The following LLGL2 variants were observed in gnomAD, a reference collection of about 807,000 sequenced individuals.
The protein encoded by LLGL2 is LLGL2, scribble cell polarity complex component.
LLGL2 carries 81 observed loss-of-function variants against 123.2 expected under a neutral mutation model. The observed-to-expected ratio is 0.66, with a 90% CI of 0.55 to 0.79. The LOEUF (loss-of-function observed/expected upper bound fraction) is 0.79, where lower values mean the gene tolerates loss of function less well. Ranked by LOEUF, LLGL2 falls within the 30% of genes least tolerant of loss-of-function variation. The probability of loss-of-function intolerance (pLI) is 0.00; values close to 1 mark genes in which losing one functional copy is unlikely to be tolerated. For synonymous variants in LLGL2, 577 were observed against 594.1 expected (o/e 0.97, Z 0.42); for missense variants, 1,273 against 1,414.6 (o/e 0.90, Z 1.61).
chr17:75,546,022 A>T (rs2054407407), intron 2 of LLGL2: 1 of 152,174 alleles, frequency 6.6e-6, no homozygotes, highest in African/African-American at 2.4e-5. Flanking sequence ...GACAACCAAG[A>T]ATGTTTCCTG....
At position 75,558,065 on chromosome 17, in the gene LLGL2, A is replaced by G; in HGVS notation, c.174-90A>G. ...GAGGGCAGCCCCTCTCTGTGTTTGCATCATTGCACATGGGCCCCGAGGGCC... is the reference window on the plus strand; with the variant it reads ...GAGGGCAGCCCCTCTCTGTGTTTGCGTCATTGCACATGGGCCCCGAGGGCC... On this transcript the variant is annotated intron_variant, in intron 3 of 25. Transcript: ENST00000392550. The surrounding 1 kb of genome is among the most constrained non-coding windows in gnomAD (Gnocchi z 4.0). 8.1e-7 allele frequency: 1 copy of G among 1,230,824 alleles called. No homozygotes were observed. Among genetic ancestry groups the G allele is most frequent in the South Asian group, 1.2e-5 (1 of 83,214 alleles). 76.2% of individuals were successfully genotyped at this position (1,230,824 alleles called of 1,614,324 possible). A position where few individuals can be genotyped will look rare whatever the true frequency, so the allele number is the denominator to read the frequency against.
At chr17:75,573,890 G>C (rs1598644921) in intron 21 of LLGL2, 62 bp from the exon 22 acceptor site, 1 of 1,529,656 alleles carries the variant, frequency 6.5e-7, no homozygotes. Context: ...CATGGGACCA[G>C]GGCTCTCAGA....
At chr17:75,574,755 C>A (rs1461827775) in intron 25 of LLGL2, 87 bp downstream of exon 25, 2 of 1,592,434 alleles carry the variant, frequency 1.3e-6, no homozygotes, top group African/African-American at 2.7e-5. Context: ...CTGGGTCCCA[C>A]GGGGCTGACA....
At chr17:75,548,079 C>T (rs4789208) in intron 2 of LLGL2, among the ~76,000 whole-genome samples, 47,932 of 151,994 alleles carry the variant, frequency 0.32, 8,636 homozygotes, top group South Asian at 0.57. Flanking sequence ...CTCACTGGAG[C>T]GTTTCAGATT....
In LLGL2 at chr17:75,558,406, GGA is replaced by G; in HGVS notation, c.256-104_256-103del. On this transcript the variant is annotated intron_variant, in intron 4 of 25. Coordinates refer to ENST00000392550, the MANE Select transcript of LLGL2 (RefSeq NM_001031803.2). This position sits in a 1 kb window ranked among gnomAD's most constrained non-coding sequence, Gnocchi z 4.0. ...CAGCTGGGGCTCATGGGCCACCCTG[GGA>G]GTGGCCAGGGGGTCTTTTAAACAAC... The G allele has an allele frequency of 1.7e-6, 2 of 1,158,828 alleles. No individual in the cohort carries two copies. The highest frequency in any genetic ancestry group is 2.4e-6 in the Non-Finnish European group (2 of 819,530). 71.8% of individuals were successfully genotyped at this position (1,158,828 alleles called of 1,614,324 possible).
At chr17:75,550,780 CAAAAAAAAA>C (rs57482643) in intron 2 of LLGL2, among the ~76,000 whole-genome samples, 5 of 94,676 alleles carry the variant, frequency 5.3e-5, no homozygotes, top group Admixed American at 1.2e-4. Flanking sequence ...GACCCTGTCT[CAAAAAAAAA>C]AAAAAAAAAA....
intron 10 of LLGL2, chr17:75,568,150 C>T (rs2055527145): frequency 1.6e-6 from 2 of 1,249,036 alleles, no homozygotes; most frequent in Non-Finnish European, 2.0e-6. Flanking sequence ...GAGAGCAGGC[C>T]CCATGGAGGA....
chr17:75,526,859 G>A (rs7223552), intron 1 of LLGL2, among the ~76,000 whole-genome samples: 19 of 152,230 alleles, frequency 1.2e-4, no homozygotes, highest in African/African-American at 4.6e-4. Context: ...CAGCCCGGGG[G>A]AAGCCAAGGT....
At chr17:75,569,358 G>A (rs1011138121) in intron 14 of LLGL2, 33 bp downstream of exon 14, 2 of 1,561,282 alleles carry the variant, frequency 1.3e-6, no homozygotes, top group Non-Finnish European at 1.8e-6. Flanking sequence ...GGGAGCTGGG[G>A]AGGAGTGGTC....
rs190508507 is a variant in LLGL2 at position 75,562,981 on chromosome 17, C to T, written c.531-35C>T. ...GCTGGGGGCCATTCCCCCTGGTGGACGGCATCGGAGGCTCACGGCACTCCC... is the reference window on the plus strand; with the variant it reads ...GCTGGGGGCCATTCCCCCTGGTGGATGGCATCGGAGGCTCACGGCACTCCC... On this transcript the variant is annotated intron_variant, in intron 6 of 25. Transcript: ENST00000392550. 47 of 1,604,556 alleles carry T rather than the reference C, an allele frequency of 2.9e-5. No individual in the cohort carries two copies. The East Asian group carries it at 6.5e-4, about 22-fold the overall frequency.
intron 1 of LLGL2, among the ~76,000 whole-genome samples, chr17:75,529,693 T>C (rs1264301838): frequency 6.6e-6 from 1 of 151,800 alleles, no homozygotes; most frequent in African/African-American, 2.4e-5. Context: ...AAACCCCATC[T>C]CTACTAAAAA....
rs200954432 is a variant in LLGL2, at chr17:75,570,961, G to A, written c.2037G>A (p.Gly679=). ...CCCACCCCTTGCAGGCACAGGAGGG[G>A]AGTGCCAAGGCTGAGCGGCCAGGCC... ...PAGPPGEAQE[G]SAKAERPGLQ... is the part of the protein sequence containing the mutation. The change falls in exon 17 of 26, where the codon GGG becomes GGA. Residue 679 remains glycine, a synonymous_variant. Coordinates refer to ENST00000392550, the MANE Select transcript of LLGL2 (RefSeq NM_001031803.2). 23 of 1,609,826 alleles carry A rather than the reference G, an allele frequency of 1.4e-5. No individual in the cohort carries two copies. The highest frequency in any genetic ancestry group is 8.4e-5 in the Admixed American group (5 of 59,720).
At position 75,574,675 on chromosome 17, in the gene LLGL2, G is replaced by T. The variant is rs1661712; in HGVS notation, c.3055+7G>T. The stretch of plus-strand genomic sequence containing the variant: ...AGCCTCAGCAATGGCGGAGGTGGGG[G>T]CTCTGGGCTTGAGTGCAGCTGCCAA... On this transcript the variant is annotated splice_region_variant and intron_variant, in intron 25 of 25. Coordinates refer to ENST00000392550, the MANE Select transcript of LLGL2 (RefSeq NM_001031803.2). 462,549 of 1,607,170 alleles carry T rather than the reference G, an allele frequency of 0.29. 71,539 individuals carry two copies. The highest frequency in any genetic ancestry group is 0.58 in the African/African-American group (43,206 of 74,760).
At chr17:75,540,973 A>T (rs1234534416) in intron 1 of LLGL2, among the ~76,000 whole-genome samples, 1 of 152,230 alleles carries the variant, frequency 6.6e-6, no homozygotes, top group Non-Finnish European at 1.5e-5. Flanking sequence ...CAATGGGCAC[A>T]GATTACTTGA....
intron 1 of LLGL2, among the ~76,000 whole-genome samples, chr17:75,530,848 T>C (rs1215104862): frequency 6.6e-6 from 1 of 152,104 alleles, no homozygotes; most frequent in East Asian, 1.9e-4. Context: ...CAGAAGTTTT[T>C]CAGCGAGGAC....
At chr17:75,570,786 C>A (rs1257423604) in intron 16 of LLGL2, among the ~76,000 whole-genome samples, 164 bp from the exon 17 acceptor site, 1 of 152,174 alleles carries the variant, frequency 6.6e-6, no homozygotes, top group Non-Finnish European at 1.5e-5. Flanking sequence ...CAGGCTCCCC[C>A]AAGGGCACCT....
At chr17:75,536,849 A>T (rs1167106061) in intron 1 of LLGL2, among the ~76,000 whole-genome samples, 1 of 152,052 alleles carries the variant, frequency 6.6e-6, no homozygotes, top group Admixed American at 6.6e-5. Context: ...ACTTTTTGAG[A>T]TGGAGTCTTT....
At position 75,574,491 on chromosome 17, in the gene LLGL2, C is replaced by A. The variant is rs750456928; in HGVS notation, c.2992C>A (p.Arg998Ser). Residue 998 changes from arginine to serine, a missense_variant, in exon 24 of 26, where the codon CGC becomes AGC. Transcript: ENST00000392550. ...AATCCAGAGCACACTGGAGGGAGAC[C>A]GCGGGTGAGGCACCGCCCAGGCCAG... ...KEIQSTLEGD[R>S]GSGNWRSHRA... The A allele has an allele frequency of 1.9e-6, 3 of 1,557,390 alleles. No homozygotes were observed. The highest frequency in any genetic ancestry group is 3.9e-5 in the Admixed American group (2 of 51,720).
Position 75,573,423 on chromosome 17 carries a change from G to T in LLGL2, c.2726-58G>T, listed in dbSNP as rs1470014024. 9 of 1,582,806 alleles carry T rather than the reference G, an allele frequency of 5.7e-6. No individual in the cohort carries two copies. The East Asian group carries it at 1.8e-4, about 32-fold the overall frequency. ...AGCACTAGCCCCTACTCCCCCAGGT[G>T]GGGAGGCAGCCTTGGCAGCCGCCAG... is the stretch of plus-strand genomic sequence containing the variant. On this transcript the variant is annotated intron_variant, in intron 20 of 25. Coordinates refer to ENST00000392550, the MANE Select transcript of LLGL2 (RefSeq NM_001031803.2).
Sources: gnomAD v4.1 joint callset for allele counts (sites outside exome capture counted in the v4.1 genomes callset) on GRCh38, gnomAD v4.1.1 for gene constraint, Gnocchi (gnomAD v3.1) non-coding constraint, MANE v1.5 for transcripts, NCBI Gene and HGNC (gene_info 2026-07-23, HGNC 2026-07-21) for gene names.